FAM3B: variants seen among roughly 807,000 people sequenced by gnomAD.
FAM3B encodes protein FAM3B.
Under a neutral mutation model 28.4 loss-of-function variants are expected in FAM3B, and 29 were observed. The observed-to-expected ratio is 1.02, with a 90% confidence interval of 0.76 to 1.39. The LOEUF (loss-of-function observed/expected upper bound fraction) is 1.39, where lower values mean the gene tolerates loss of function less well. Among genes scored for constraint, FAM3B ranks in the 40% most tolerant of loss-of-function variants. The pLI is 0.00. For missense variants in FAM3B, 266 were observed against 293.9 expected, an observed-to-expected ratio of 0.91 and a Z score of 0.69; for synonymous variants, 91 against 103.0, an observed-to-expected ratio of 0.88 and a Z score of 0.71.
rs115161851 is a variant in FAM3B at position 41,332,325 on chromosome 21, T to C, written c.164-6053T>C. 2.7e-3 allele frequency among the ~76,000 whole-genome samples: 411 copies of C among 152,376 alleles called. 1 individual carries two copies. Among genetic ancestry groups the C allele is most frequent in the African/African-American group, 9.5e-3 (397 of 41,592 alleles). On this transcript the variant is annotated intron_variant, in intron 2 of 7. Transcript: ENST00000357985. ...GAGCCAATTAAACCTCTTTATAAAT[T>C]ACTCAATCTTAGATATTTCTTTATA...
intron 2 of FAM3B, among the ~76,000 whole-genome samples, chr21:41,333,131 GTTT>G (rs57632341): frequency 7.8e-6 from 1 of 128,868 alleles, no homozygotes. Flanking sequence ...TGTGTTTCTG[GTTT>G]TTTTTTTTTT....
chr21:41,328,051 A>G (rs961146300), intron 2 of FAM3B, among the ~76,000 whole-genome samples: 2 of 152,168 alleles, frequency 1.3e-5, no homozygotes, highest in African/African-American at 4.8e-5. Flanking sequence ...CTGAGACACA[A>G]TTCATAAGTT....
intron 7 of FAM3B, among the ~76,000 whole-genome samples, chr21:41,349,447 C>T (rs894785705): frequency 3.3e-5 from 5 of 152,130 alleles, no homozygotes; most frequent in African/African-American, 7.2e-5. Context: ...GACCAAGGCG[C>T]GAGACTTCCC....
chr21:41,329,128 CTT>C (rs2088881631), intron 2 of FAM3B, among the ~76,000 whole-genome samples: 1 of 152,232 alleles, frequency 6.6e-6, no homozygotes, highest in Non-Finnish European at 1.5e-5. Flanking sequence ...GATGAAAACA[CTT>C]AAAATCTACT....
chr21:41,331,183 A>G (rs1209305350), intron 2 of FAM3B, among the ~76,000 whole-genome samples: 1 of 152,218 alleles, frequency 6.6e-6, no homozygotes, highest in African/African-American at 2.4e-5. Context: ...CCTGATTATT[A>G]GTAATATTGA....
intron 1 of FAM3B, chr21:41,320,534 G>T (rs1265389822): frequency 6.6e-6 from 1 of 152,262 alleles, no homozygotes; most frequent in Admixed American, 6.6e-5. Flanking sequence ...CCTCCCTCTA[G>T]CGGCTGGGAT....
chr21:41,337,309 T>C (rs550453465), intron 2 of FAM3B, among the ~76,000 whole-genome samples: 1 of 152,270 alleles, frequency 6.6e-6, no homozygotes. Flanking sequence ...GTGGGTTCTA[T>C]GGGTGATGAT....
At chr21:41,333,393 T>C (rs2088924703) in intron 2 of FAM3B, among the ~76,000 whole-genome samples, 1 of 152,168 alleles carries the variant, frequency 6.6e-6, no homozygotes, top group Admixed American at 6.5e-5. Context: ...ATCTTCTTGG[T>C]GCTTTTCTCA....
chr21:41,332,692 T>A (rs1259479431), intron 2 of FAM3B, among the ~76,000 whole-genome samples: 1 of 152,242 alleles, frequency 6.6e-6, no homozygotes, highest in East Asian at 1.9e-4. Context: ...TGACTTCGTC[T>A]CCTCACATTT....
In FAM3B at chr21:41,345,695, G is replaced by A. The variant is rs1214824030; in HGVS notation, c.356G>A (p.Gly119Glu). 1.9e-6 allele frequency: 3 copies of A among 1,541,290 alleles called. No individual in the cohort carries two copies. The highest frequency in any genetic ancestry group is 2.8e-5 in the African/African-American group (2 of 70,470). Residue 119 changes from glycine (G) to glutamate (E), a missense_variant, in exon 5 of 8, where the codon GGG (glycine) becomes GAG (glutamate). Physicochemically the swap from Gly to Glu is moderately conservative, Grantham distance 98. Transcript: ENST00000357985. ...TTTCTTTTATTTTCAGATGTAACTGGGAATGTGACAGCAACACGATGTTTT... is the reference window on the plus strand; with the variant it reads ...TTTCTTTTATTTTCAGATGTAACTGAGAATGTGACAGCAACACGATGTTTT... ...INIAIVNYVTGNVTATRCFDM... is the reference protein window; with the variant it reads ...INIAIVNYVTENVTATRCFDM...
intron 1 of FAM3B, among the ~76,000 whole-genome samples, chr21:41,317,666 A>T (rs1041911371): frequency 1.3e-5 from 2 of 152,112 alleles, no homozygotes; most frequent in Non-Finnish European, 2.9e-5. Flanking sequence ...TGGCAGGTTC[A>T]GAAGTGGGAA....
chr21:41,316,825 G>T lies in FAM3B; in HGVS notation c.-55G>T, dbSNP rs148108671. On this transcript the variant is annotated 5_prime_UTR_variant, in exon 1 of 8. Transcript: ENST00000357985. ...CCTTCCTGACCCAGGGGCTCCGCTG[G>T]CTGCGGTCGCCTGGGAGCTGCCGCC... 5.2e-4 allele frequency: 746 copies of T among 1,425,352 alleles called. 2 individuals carry two copies. The African/African-American group carries it at 1.0e-2, about 19-fold the overall frequency. 88.3% of individuals were successfully genotyped at this position (1,425,352 alleles called of 1,614,324 possible).
At chr21:41,347,162 C>A in intron 6 of FAM3B, 62 bp downstream of exon 6, 1 of 1,374,718 alleles carries the variant, frequency 7.3e-7, no homozygotes, top group South Asian at 1.2e-5. Context: ...CAGAGGCTGC[C>A]AGGGTCTCTC....
In FAM3B at chr21:41,345,736, G is replaced by A. The variant is rs199919585; in HGVS notation, c.397G>A (p.Asp133Asn). The A allele has an allele frequency of 6.3e-5, 96 of 1,532,484 alleles. No homozygotes were observed. The East Asian group carries it at 1.1e-3, about 17-fold the overall frequency. The allele number at this position is 1,532,484 out of a possible 1,614,324, so 94.9% of individuals were successfully genotyped here. A position where few individuals can be genotyped will look rare whatever the true frequency, so the allele number is the denominator to read the frequency against. The change falls in exon 5 of 8, where the codon GAT becomes AAT. Residue 133 changes from aspartate (D) to asparagine (N), a missense_variant and splice_region_variant. Physicochemically the swap from Asp to Asn is conservative, Grantham distance 23. Transcript: ENST00000357985. ...ATRCFDMYEG[D>N]NSGPMTKFIQ... ...ACGATGTTTTGATATGTATGAAGGT[G>A]GTAAGAAAATTTTTTCTGTTAAAAT...
At chr21:41,341,310 T>G (rs1229609453) in intron 3 of FAM3B, among the ~76,000 whole-genome samples, 2 of 152,240 alleles carry the variant, frequency 1.3e-5, no homozygotes, top group African/African-American at 4.8e-5. Flanking sequence ...CTGCAATAAA[T>G]AACCTTATGA....
chr21:41,345,136 A>G lies in FAM3B; in HGVS notation c.347-550A>G, dbSNP rs533133029. On this transcript the variant is annotated intron_variant, in intron 4 of 7. Coordinates refer to ENST00000357985, the MANE Select transcript of FAM3B (RefSeq NM_058186.4). ...ATCTGACAGCCCTGAAGGAGGCTGT[A>G]AAGTAGGAAGTGGGCAGGCTGAGGG... 7.2e-5 allele frequency among the ~76,000 whole-genome samples: 11 copies of G among 152,332 alleles called. No homozygotes were observed. In the East Asian group the frequency reaches 1.9e-3, roughly 27 times the overall value.
chr21:41,356,864 C>A (rs1473334819), intron 7 of FAM3B, among the ~76,000 whole-genome samples: 1 of 152,212 alleles, frequency 6.6e-6, no homozygotes, highest in African/African-American at 2.4e-5. Flanking sequence ...TCCCAGTGAC[C>A]CTGATTTGAT....
Position 41,350,484 on chromosome 21 carries a change from G to A in FAM3B, c.618+1760G>A, listed in dbSNP as rs576800116. 1.4e-4 allele frequency among the ~76,000 whole-genome samples: 22 copies of A among 152,342 alleles called. 1 individual carries two copies. Among genetic ancestry groups the A allele is most frequent in the Admixed American group, 6.5e-4 (10 of 15,298 alleles). On this transcript the variant is annotated intron_variant, in intron 7 of 7. Transcript: ENST00000357985. ...AGAAGAGAAACACATGGATCTCAGAGTGGAGTCCTGTAACCCAGAACAGCT... is the reference window on the plus strand; with the variant it reads ...AGAAGAGAAACACATGGATCTCAGAATGGAGTCCTGTAACCCAGAACAGCT...
At chr21:41,321,870 G>A (rs1015864377) in intron 1 of FAM3B, among the ~76,000 whole-genome samples, 1 of 152,156 alleles carries the variant, frequency 6.6e-6, no homozygotes, top group African/African-American at 2.4e-5. Context: ...CCATTGTCAG[G>A]CCCTTCAGAC....
Sources: allele counts gnomAD v4.1 joint callset (sites outside exome capture counted in the v4.1 genomes callset), GRCh38; gene constraint gnomAD v4.1.1; transcripts MANE v1.5; gene names NCBI Gene and HGNC (gene_info 2026-07-23, HGNC 2026-07-21).